Variants in HDAC4 observed in about 807,000 individuals in gnomAD.
HDAC4 encodes the protein histone deacetylase A.
A neutral mutation model predicts 135.1 loss-of-function variants in HDAC4; 16 were observed. That is an observed-to-expected ratio of 0.12 (90% CI 0.08 to 0.18). HDAC4 has a LOEUF of 0.18. Among genes scored for constraint, HDAC4 ranks in the 10% least tolerant of loss-of-function variants. The pLI, the probability that HDAC4 is intolerant of heterozygous loss-of-function variation, is 1.00. For missense variants in HDAC4, 1,143 were observed against 1,511.8 expected (o/e 0.76, Z 4.05); for synonymous variants, 685 against 653.4 (o/e 1.05, Z -0.74).
intron 11 of HDAC4, among the ~76,000 whole-genome samples, chr2:239,127,178 G>A (rs909296822): frequency 6.6e-6 from 1 of 152,164 alleles, no homozygotes; most frequent in Middle Eastern, 3.2e-3. Flanking sequence ...TTGTCCTTAG[G>A]GTTGACATCG....
At chr2:239,374,008 A>G (rs1694816125) in intron 1 of HDAC4, among the ~76,000 whole-genome samples, 1 of 152,218 alleles carries the variant, frequency 6.6e-6, no homozygotes, top group African/African-American at 2.4e-5. Flanking sequence ...AGCAAGAAAA[A>G]GAATGACCAA....
chr2:239,335,508 C>CAAAAAAAA (rs61007856), intron 2 of HDAC4, among the ~76,000 whole-genome samples: 2 of 59,374 alleles, frequency 3.4e-5, no homozygotes, highest in African/African-American at 5.2e-5. Flanking sequence ...ATCTGTTCAG[C>CAAAAAAAA]AAAAAAAAAA....
chr2:239,210,423 G>T (rs1161985189), intron 3 of HDAC4, among the ~76,000 whole-genome samples: 1 of 152,210 alleles, frequency 6.6e-6, no homozygotes, highest in Non-Finnish European at 1.5e-5. Flanking sequence ...GCTGACTGAG[G>T]AAGCATACTT....
At chr2:239,109,436 A>T (rs2152791194) in intron 14 of HDAC4, among the ~76,000 whole-genome samples, 1 of 152,288 alleles carries the variant, frequency 6.6e-6, no homozygotes, top group African/African-American at 2.4e-5. Flanking sequence ...GGGAGCTGAG[A>T]TTCAAGGTGG....
Position 239,141,937 on chromosome 2 carries a change from G to C in HDAC4, c.866-2141C>G, listed in dbSNP as rs1330072755. Among the ~76,000 whole-genome samples, 2 of 152,156 alleles carry C rather than the reference G, an allele frequency of 1.3e-5. No homozygotes were observed. Among genetic ancestry groups the C allele is most frequent in the Admixed American group, 6.5e-5 (1 of 15,278 alleles). On this transcript the variant is annotated intron_variant, in intron 8 of 26. Transcript: ENST00000543185. This position sits in a 1 kb window ranked among gnomAD's most constrained non-coding sequence, Gnocchi z 4.9. ...AGTATTACTTAGATCAGCAAAACGG[G>C]AACACCATTGGAGGTGCTCAAAAGG... is the stretch of plus-strand genomic sequence containing the variant.
chr2:239,227,274 G>A (rs1027816249), intron 3 of HDAC4, among the ~76,000 whole-genome samples: 5 of 152,196 alleles, frequency 3.3e-5, no homozygotes, highest in Admixed American at 3.3e-4. Flanking sequence ...TCTGGAGAGG[G>A]AGATGGAACA....
At chr2:239,183,040 G>A (rs1269393071) in intron 4 of HDAC4, among the ~76,000 whole-genome samples, 3 of 152,210 alleles carry the variant, frequency 2.0e-5, no homozygotes, top group Admixed American at 1.3e-4. Flanking sequence ...ACTACTCCAT[G>A]GGGCAAGGGC....
chr2:239,295,180 G>A (rs1006551479), intron 2 of HDAC4, among the ~76,000 whole-genome samples: 4 of 150,006 alleles, frequency 2.7e-5, no homozygotes, highest in African/African-American at 7.3e-5. Flanking sequence ...AGTGGCGGGC[G>A]CCTGTAGTCC....
intron 2 of HDAC4, among the ~76,000 whole-genome samples, chr2:239,268,023 TTTCTCTAA>T (rs2125191964): frequency 6.6e-6 from 1 of 152,378 alleles, no homozygotes; most frequent in South Asian, 2.1e-4. Context: ...TAAATCTGAA[TTTCTCTAA>T]CTGTTGTCCA....
chr2:239,099,970 C>T (rs940458542), intron 16 of HDAC4, among the ~76,000 whole-genome samples: 2 of 152,248 alleles, frequency 1.3e-5, no homozygotes, highest in African/African-American at 4.8e-5. Flanking sequence ...GTGCCACCTT[C>T]CTACTCACCC....
At chr2:239,087,690 T>A in intron 18 of HDAC4, 76 bp from the exon 19 acceptor site, 1 of 1,400,666 alleles carries the variant, frequency 7.1e-7, no homozygotes, top group Non-Finnish European at 1.0e-6. Flanking sequence ...GGTTGCACAC[T>A]CAACTTTTAG....
At position 239,139,948 on chromosome 2, in the gene HDAC4, A is replaced by T. The variant is rs77167624; in HGVS notation, c.866-152T>A. On this transcript the variant is annotated intron_variant, in intron 8 of 26. Coordinates refer to ENST00000543185, the MANE Select transcript of HDAC4 (RefSeq NM_001378414.1). The surrounding 1 kb of genome is among the most constrained non-coding windows in gnomAD (Gnocchi z 5.3). ...ACAAAAAGAACATGGCCATGGTTTC[A>T]AAAAAGAAAGTATGATGCTGATTTC... The T allele has an allele frequency of 8.0e-6, 5 of 628,870 alleles. No individual in the cohort carries two copies. The highest frequency in any genetic ancestry group is 1.4e-5 in the Non-Finnish European group (5 of 355,742). 39.0% of individuals were successfully genotyped at this position (628,870 alleles called of 1,614,324 possible).
rs983079800 is a variant in HDAC4 at position 239,167,705 on chromosome 2, A to T, written c.491-3782T>A. Among the ~76,000 whole-genome samples the T allele has an allele frequency of 6.6e-6, 1 of 150,746 alleles. No individual in the cohort carries two copies. The highest frequency in any genetic ancestry group is 6.6e-5 in the Admixed American group (1 of 15,152). ...AACCCATTCAACAAATGGATAGCAGATCTCCCTAATTTTTACTTTTACTTT... is the reference window on the plus strand; with the variant it reads ...AACCCATTCAACAAATGGATAGCAGTTCTCCCTAATTTTTACTTTTACTTT... On this transcript the variant is annotated intron_variant, in intron 5 of 26. Transcript: ENST00000543185. This position sits in a 1 kb window ranked among gnomAD's most constrained non-coding sequence, Gnocchi z 4.1.
chr2:239,121,787 C>G (rs926017383), intron 12 of HDAC4, among the ~76,000 whole-genome samples: 10 of 152,338 alleles, frequency 6.6e-5, no homozygotes, highest in African/African-American at 1.9e-4. Flanking sequence ...TTGGCACTGA[C>G]GCAGGCGCCT....
intron 2 of HDAC4, among the ~76,000 whole-genome samples, chr2:239,319,969 C>T (rs972030476): frequency 1.3e-5 from 2 of 152,286 alleles, no homozygotes; most frequent in Non-Finnish European, 2.9e-5. Flanking sequence ...ACAGAGCACA[C>T]GGTCACTGCT....
At chr2:239,098,672 C>T (rs1409065222) in intron 16 of HDAC4, among the ~76,000 whole-genome samples, 4 of 152,156 alleles carry the variant, frequency 2.6e-5, no homozygotes, top group East Asian at 1.9e-4. Context: ...CCCTTGCACA[C>T]GGCTTAGCGG....
intron 3 of HDAC4, among the ~76,000 whole-genome samples, chr2:239,224,197 C>G (rs1020509250): frequency 3.5e-4 from 53 of 152,220 alleles, no homozygotes; most frequent in African/African-American, 1.3e-3. Context: ...CATCTGCAGG[C>G]TAAGGAAATC....
At chr2:239,089,166 G>T (rs1165096223) in intron 18 of HDAC4, among the ~76,000 whole-genome samples, 1 of 152,130 alleles carries the variant, frequency 6.6e-6, no homozygotes, top group African/African-American at 2.4e-5. Context: ...CCTCTGAAAA[G>T]TCTATTAAAA....
rs2031039887 is a variant in HDAC4 at position 239,052,648 on chromosome 2, CAG to C, written c.*447_*448del. 1 of 223,244 alleles carries C rather than the reference CAG, an allele frequency of 4.5e-6. No individual in the cohort carries two copies. The highest frequency in any genetic ancestry group is 2.3e-5 in the African/African-American group (1 of 43,790). The allele number at this position is 223,244 out of a possible 1,614,324, so 13.8% of individuals were successfully genotyped here. ...TACAAGATGAGTCGAGTGGTTTACACAGAGACTGTGGAGTTGTGGGTAATAAA... is the reference window on the plus strand; with the variant it reads ...TACAAGATGAGTCGAGTGGTTTACACAGACTGTGGAGTTGTGGGTAATAAA... On this transcript the variant is annotated 3_prime_UTR_variant, in exon 27 of 27. Coordinates refer to ENST00000543185, the MANE Select transcript of HDAC4 (RefSeq NM_001378414.1).
Sources: allele counts gnomAD v4.1 joint callset (sites outside exome capture counted in the v4.1 genomes callset), GRCh38; gene constraint gnomAD v4.1.1; non-coding constraint Gnocchi (gnomAD v3.1); transcripts MANE v1.5; gene names NCBI Gene and HGNC (gene_info 2026-07-23, HGNC 2026-07-21).